RASGRF2: variants seen among roughly 807,000 people sequenced by gnomAD.
The protein encoded by RASGRF2 is Ras protein specific guanine nucleotide releasing factor 2, also known as ras-specific guanine nucleotide-releasing factor 2.
RASGRF2 carries 76 observed loss-of-function variants against 151.0 expected under a neutral mutation model. The ratio of observed to expected loss-of-function variants is 0.50; its 90% CI spans 0.42 to 0.61. The LOEUF (loss-of-function observed/expected upper bound fraction) is 0.61, where lower values mean the gene tolerates loss of function less well. Among genes scored for constraint, RASGRF2 ranks in the 20% least tolerant of loss-of-function variants. The probability of loss-of-function intolerance (pLI) is 0.00; values close to 1 mark genes in which losing one functional copy is unlikely to be tolerated. For missense variants in RASGRF2, 1,148 were observed against 1,564.6 expected, an observed-to-expected ratio of 0.73 and a Z score of 4.49; for synonymous variants, 504 against 566.5, an observed-to-expected ratio of 0.89 and a Z score of 1.57.
chr5:81,137,310 T>C (rs1267355624), intron 17 of RASGRF2, among the ~76,000 whole-genome samples: 2 of 152,208 alleles, frequency 1.3e-5, no homozygotes, highest in Non-Finnish European at 2.9e-5. Context: ...TCATGTTTGG[T>C]AGGTTAGATA....
chr5:81,056,586 G>A lies in RASGRF2; in HGVS notation c.396-11446G>A, dbSNP rs536170108. ...TTTGGAATAAGTGCGGTGTGGTGCTGAGAAGAATGTATATTCTGTTGATTT... is the reference window on the plus strand; with the variant it reads ...TTTGGAATAAGTGCGGTGTGGTGCTAAGAAGAATGTATATTCTGTTGATTT... On this transcript the variant is annotated intron_variant, in intron 2 of 26. Coordinates refer to ENST00000265080, the MANE Select transcript of RASGRF2 (RefSeq NM_006909.3). Among the ~76,000 whole-genome samples the A allele has an allele frequency of 7.9e-5, 12 of 152,322 alleles. No homozygotes were observed. The East Asian group carries it at 1.9e-3, about 25-fold the overall frequency.
chr5:80,998,069 C>T (rs1748952621), intron 1 of RASGRF2: 1 of 151,878 alleles, frequency 6.6e-6, no homozygotes, highest in Admixed American at 6.6e-5. Context: ...ATTAGGAACA[C>T]AGGGTAGGAA....
chr5:81,034,637 A>G (rs948149388), intron 1 of RASGRF2, among the ~76,000 whole-genome samples: 1 of 151,680 alleles, frequency 6.6e-6, no homozygotes, highest in African/African-American at 2.4e-5. Context: ...TGATGAGTTC[A>G]TGTCCTTTGT....
intron 18 of RASGRF2, among the ~76,000 whole-genome samples, chr5:81,198,434 T>C (rs1355601254): frequency 6.8e-6 from 1 of 147,734 alleles, no homozygotes; most frequent in Non-Finnish European, 1.5e-5. Flanking sequence ...TGTTGCTTTA[T>C]AGAACATGAT....
intron 18 of RASGRF2, among the ~76,000 whole-genome samples, chr5:81,185,634 G>C (rs1755010090): frequency 6.6e-6 from 1 of 152,116 alleles, no homozygotes; most frequent in South Asian, 2.1e-4. Flanking sequence ...CATCTAGAGA[G>C]AGCCAGGGCT....
chr5:81,085,118 A>C (rs1460640348), intron 7 of RASGRF2, among the ~76,000 whole-genome samples: 3 of 152,236 alleles, frequency 2.0e-5, no homozygotes, highest in Non-Finnish European at 4.4e-5. Context: ...GTAGATGTTC[A>C]TGCATGTTAT....
intron 17 of RASGRF2, among the ~76,000 whole-genome samples, chr5:81,156,169 T>C (rs550752647): frequency 6.6e-6 from 1 of 152,094 alleles, no homozygotes; most frequent in African/African-American, 2.4e-5. Flanking sequence ...AGAGCTATAA[T>C]AAAGAAATTG....
chr5:81,085,724 G>T, intron 7 of RASGRF2, 78 bp from the exon 8 acceptor site: 2 of 1,566,332 alleles, frequency 1.3e-6, no homozygotes, highest in African/African-American at 1.4e-5. Context: ...GCTTCTCGAA[G>T]CAATGATGGC....
intron 1 of RASGRF2, among the ~76,000 whole-genome samples, chr5:80,983,055 C>T (rs189066267): frequency 1.1e-4 from 17 of 152,316 alleles, no homozygotes; most frequent in African/African-American, 2.9e-4. Flanking sequence ...CTTTTTGAAA[C>T]GGGTTAGGAC....
chr5:81,041,643 C>T (rs1326987233), intron 1 of RASGRF2, among the ~76,000 whole-genome samples: 1 of 152,146 alleles, frequency 6.6e-6, no homozygotes, highest in Admixed American at 6.5e-5. Flanking sequence ...GTTTGGGAGT[C>T]TTTGAATCTT....
chr5:81,184,768 T>G (rs1402807136), intron 18 of RASGRF2, among the ~76,000 whole-genome samples: 1 of 152,234 alleles, frequency 6.6e-6, no homozygotes, highest in Non-Finnish European at 1.5e-5. Flanking sequence ...CTTTTTCTGT[T>G]TTCTCACCTC....
intron 1 of RASGRF2, among the ~76,000 whole-genome samples, chr5:81,021,494 T>C (rs76633690): frequency 0.038 from 5,842 of 152,224 alleles, 147 homozygotes; most frequent in Middle Eastern, 0.071. Context: ...TCACGTGTCC[T>C]CCTGTGCCTC....
chr5:81,143,484 A>G (rs1357273761), intron 17 of RASGRF2, among the ~76,000 whole-genome samples: 1 of 152,208 alleles, frequency 6.6e-6, no homozygotes, highest in African/African-American at 2.4e-5. Flanking sequence ...ATAACATACA[A>G]TGAAATACTT....
chr5:81,122,015 G>A (rs1276060254), intron 15 of RASGRF2, among the ~76,000 whole-genome samples: 3 of 152,132 alleles, frequency 2.0e-5, no homozygotes, highest in African/African-American at 7.2e-5. Flanking sequence ...CTGCCCACTC[G>A]TCCTGCAGGC....
chr5:81,029,720 A>G (rs2112357789), intron 1 of RASGRF2, among the ~76,000 whole-genome samples: 1 of 152,368 alleles, frequency 6.6e-6, no homozygotes, highest in Non-Finnish European at 1.5e-5. Context: ...AAAAGCTGAA[A>G]ATTATAAAAA....
chr5:81,161,909 G>GTT (rs539106479), intron 17 of RASGRF2, among the ~76,000 whole-genome samples: 43 of 143,496 alleles, frequency 3.0e-4, no homozygotes, highest in African/African-American at 8.8e-4. Flanking sequence ...CAGTCAGACC[G>GTT]TTTTTTTTTT....
intron 1 of RASGRF2, among the ~76,000 whole-genome samples, chr5:80,987,705 T>G (rs1748516457): frequency 6.6e-6 from 1 of 152,158 alleles, no homozygotes; most frequent in Non-Finnish European, 1.5e-5. Context: ...ACAATGTAGA[T>G]TCTTCGTTAA....
intron 1 of RASGRF2, among the ~76,000 whole-genome samples, chr5:80,980,034 TTTCATA>T (rs1748247790): frequency 6.6e-6 from 1 of 152,246 alleles, no homozygotes; most frequent in Non-Finnish European, 1.5e-5. Flanking sequence ...GTTTTCATTT[TTTCATA>T]TTCTTCCATT....
intron 17 of RASGRF2, among the ~76,000 whole-genome samples, chr5:81,133,973 C>G (rs750604087): frequency 2.2e-4 from 34 of 151,730 alleles, no homozygotes; most frequent in Non-Finnish European, 3.8e-4. Flanking sequence ...GGTCCTATAC[C>G]TAAAGATTCT....
Sources: allele counts gnomAD v4.1 joint callset (sites outside exome capture counted in the v4.1 genomes callset), GRCh38; gene constraint gnomAD v4.1.1; transcripts MANE v1.5; gene names NCBI Gene and HGNC (gene_info 2026-07-23, HGNC 2026-07-21).